The following RORA variants were observed in gnomAD, a reference collection of about 807,000 sequenced individuals.
RORA encodes the protein RAR related orphan receptor A.
Under a neutral mutation model 69.5 loss-of-function variants are expected in RORA, and 7 were observed. The observed-to-expected ratio is 0.10, with a 90% CI of 0.06 to 0.19. The LOEUF (loss-of-function observed/expected upper bound fraction) is 0.19. RORA is among the 10% of genes least tolerant of loss of function. The probability of loss-of-function intolerance (pLI) is 1.00; values close to 1 mark genes in which losing one functional copy is unlikely to be tolerated. For missense variants in RORA, 457 were observed against 663.0 expected, an observed-to-expected ratio of 0.69 and a Z score of 3.41; for synonymous variants, 261 against 240.8, an observed-to-expected ratio of 1.08 and a Z score of -0.78.
intron 1 of RORA, among the ~76,000 whole-genome samples, chr15:60,695,921 G>A (rs919000): frequency 0.74 from 111,918 of 152,008 alleles, 42,136 homozygotes; most frequent in Middle Eastern, 0.85. Context: ...AGCCTCAGCC[G>A]GCAAGTAATG....
intron 2 of RORA, among the ~76,000 whole-genome samples, chr15:60,601,782 G>C (rs779794333): frequency 1.2e-4 from 19 of 152,084 alleles, no homozygotes; most frequent in Non-Finnish European, 1.9e-4. Context: ...AATGTACTTT[G>C]AGTAAACTGT....
chr15:60,901,905 T>C (rs1481398359), intron 1 of RORA, among the ~76,000 whole-genome samples: 1 of 152,200 alleles, frequency 6.6e-6, no homozygotes, highest in Non-Finnish European at 1.5e-5. Flanking sequence ...GTTCACACGG[T>C]GCCTGACAGA....
rs937300836 is a variant in RORA, at chr15:60,531,900, T to C, written c.197-49A>G. The C allele has an allele frequency of 2.7e-6, 3 of 1,115,408 alleles. No homozygotes were observed. The allele number at this position is 1,115,408 out of a possible 1,614,324, so 69.1% of individuals were successfully genotyped here. A position where few individuals can be genotyped will look rare whatever the true frequency, so the allele number is the denominator to read the frequency against. The stretch of plus-strand genomic sequence containing the variant: ...TTAATTACATTTTCTTTTAAACACC[T>C]TATAAAAGCGTTCCCTGATCAGCAT... On this transcript the variant is annotated intron_variant, in intron 2 of 10. Coordinates refer to ENST00000335670, the MANE Select transcript of RORA (RefSeq NM_134261.3). The surrounding 1 kb of genome is among the most constrained non-coding windows in gnomAD (Gnocchi z 4.8).
intron 2 of RORA, among the ~76,000 whole-genome samples, chr15:60,539,670 A>C (rs915749972): frequency 6.6e-5 from 10 of 152,340 alleles, no homozygotes; most frequent in Admixed American, 5.2e-4. Context: ...CAGATACTAA[A>C]TAAGTAAGTT....
In RORA at chr15:60,549,519, CAT is replaced by C. The variant is rs1491181641; in HGVS notation, c.197-17670_197-17669del. Among the ~76,000 whole-genome samples the C allele has an allele frequency of 4.5e-3, 679 of 151,758 alleles. 4 individuals are homozygous for C. The highest frequency in any genetic ancestry group is 0.016 in the African/African-American group (642 of 41,080). Reference sequence around the variant, plus strand: ...TATTCTGCAGTTTCTCAGGATCTCACATGTTTGTCATACTTCTTACAGTGGTA... The same window carrying C: ...TATTCTGCAGTTTCTCAGGATCTCACGTTTGTCATACTTCTTACAGTGGTA... On this transcript the variant is annotated intron_variant, in intron 2 of 10. Transcript: ENST00000335670.
intron 1 of RORA, among the ~76,000 whole-genome samples, chr15:60,861,148 AT>A (rs1018493030): frequency 9.9e-5 from 15 of 152,218 alleles, no homozygotes; most frequent in African/African-American, 3.6e-4. Context: ...ATGATGATAT[AT>A]CCTTATTGGA....
intron 1 of RORA, among the ~76,000 whole-genome samples, chr15:60,948,433 T>A (rs931503297): frequency 6.6e-6 from 1 of 152,158 alleles, no homozygotes; most frequent in Non-Finnish European, 1.5e-5. Flanking sequence ...GGCAAAATAC[T>A]CTCCATGGTT....
intron 1 of RORA, among the ~76,000 whole-genome samples, chr15:60,768,236 C>G (rs1285255535): frequency 2.0e-5 from 3 of 152,176 alleles, no homozygotes; most frequent in Admixed American, 2.0e-4. Flanking sequence ...CTTCCAATAC[C>G]CAGATACATC....
intron 1 of RORA, among the ~76,000 whole-genome samples, chr15:60,718,214 G>A (rs1194826455): frequency 6.6e-6 from 1 of 152,174 alleles, no homozygotes; most frequent in Non-Finnish European, 1.5e-5. Flanking sequence ...ACATCACTGG[G>A]CAGAGTTTTT....
chr15:61,168,932 G>A (rs1203513789), intron 1 of RORA, among the ~76,000 whole-genome samples: 1 of 152,184 alleles, frequency 6.6e-6, no homozygotes, highest in Non-Finnish European at 1.5e-5. Context: ...CTGCCTTGGA[G>A]TGACCTCTCA....
chr15:61,197,198 T>C (rs2079852907), intron 1 of RORA, among the ~76,000 whole-genome samples: 1 of 152,200 alleles, frequency 6.6e-6, no homozygotes, highest in Non-Finnish European at 1.5e-5. Flanking sequence ...TACAAAGCTG[T>C]CTGCATTTTC....
intron 2 of RORA, among the ~76,000 whole-genome samples, chr15:60,538,115 A>C (rs1487288910): frequency 6.6e-6 from 1 of 152,194 alleles, no homozygotes; most frequent in African/African-American, 2.4e-5. Flanking sequence ...AGACATAGCC[A>C]CAAGAAAGAG....
Position 60,564,975 on chromosome 15 carries a change from C to A in RORA, c.197-33124G>T, listed in dbSNP as rs1024898906. Among the ~76,000 whole-genome samples the A allele has an allele frequency of 2.6e-5, 4 of 152,144 alleles. No homozygotes were observed. The South Asian group carries it at 6.2e-4, about 24-fold the overall frequency. ...ACAAACTGCTGTGGACAAGCAGTGA[C>A]CCCCTTGTGAGCTCGGTAAATGTTA... On this transcript the variant is annotated intron_variant, in intron 2 of 10. Coordinates refer to ENST00000335670, the MANE Select transcript of RORA (RefSeq NM_134261.3).
chr15:61,174,720 A>C (rs2079613118), intron 1 of RORA, among the ~76,000 whole-genome samples: 1 of 152,214 alleles, frequency 6.6e-6, no homozygotes, highest in African/African-American at 2.4e-5. Flanking sequence ...TCAGCCATAC[A>C]ACCCTACATT....
intron 1 of RORA, among the ~76,000 whole-genome samples, chr15:61,035,342 C>G (rs2140455458): frequency 6.6e-6 from 1 of 152,050 alleles, no homozygotes; most frequent in Non-Finnish European, 1.5e-5. Flanking sequence ...CAAAACATAC[C>G]AGATAAAAAT....
At chr15:60,827,621 A>G (rs1280004699) in intron 1 of RORA, among the ~76,000 whole-genome samples, 1 of 152,238 alleles carries the variant, frequency 6.6e-6, no homozygotes, top group Non-Finnish European at 1.5e-5. Flanking sequence ...CCAGGACCCC[A>G]GATTCCTGCT....
intron 1 of RORA, among the ~76,000 whole-genome samples, chr15:60,763,483 GCA>G (rs2071931318): frequency 6.6e-6 from 1 of 152,164 alleles, no homozygotes; most frequent in East Asian, 1.9e-4. Flanking sequence ...AGGTTACACA[GCA>G]TGTTAAACTC....
chr15:60,961,960 ATTTG>A (rs1327726986), intron 1 of RORA, among the ~76,000 whole-genome samples: 1 of 152,144 alleles, frequency 6.6e-6, no homozygotes, highest in Non-Finnish European at 1.5e-5. Flanking sequence ...TGGGGTTTGT[ATTTG>A]TTTGGCCCAG....
At chr15:60,503,448 C>A (rs915868699) in intron 7 of RORA, 87 bp downstream of exon 7, 1 of 1,389,942 alleles carries the variant, frequency 7.2e-7, no homozygotes, top group Non-Finnish European at 9.9e-7. Flanking sequence ...AAACTGTTCC[C>A]GACACCTTCC....
Sources: gnomAD v4.1 joint callset for allele counts (sites outside exome capture counted in the v4.1 genomes callset) on GRCh38, gnomAD v4.1.1 for gene constraint, Gnocchi (gnomAD v3.1) non-coding constraint, MANE v1.5 for transcripts, NCBI Gene and HGNC (gene_info 2026-07-23, HGNC 2026-07-21) for gene names.